Variants in PRKG1 observed in about 807,000 individuals in gnomAD.
PRKG1 encodes the protein protein kinase cGMP-dependent 1.
PRKG1 carries 35 observed loss-of-function variants against 88.1 expected under a neutral mutation model. The ratio of observed to expected loss-of-function variants is 0.40; its 90% CI spans 0.30 to 0.53. The LOEUF (loss-of-function observed/expected upper bound fraction) is 0.53, where lower values mean the gene tolerates loss of function less well. PRKG1 is among the 20% of genes least tolerant of loss of function. The pLI, the probability that PRKG1 is intolerant of heterozygous loss-of-function variation, is 0.59. For missense variants in PRKG1, 540 were observed against 839.8 expected, an observed-to-expected ratio of 0.64 and a Z score of 4.41; for synonymous variants, 303 against 292.5, an observed-to-expected ratio of 1.04 and a Z score of -0.37.
At chr10:52,091,206 T>G (rs777723240) in intron 7 of PRKG1, among the ~76,000 whole-genome samples, 8 of 152,226 alleles carry the variant, frequency 5.3e-5, no homozygotes, top group Non-Finnish European at 2.9e-5. Context: ...AGTTGTGAAA[T>G]TGAGGCCCCC....
intron 2 of PRKG1, among the ~76,000 whole-genome samples, chr10:51,362,235 A>C (rs1375861215): frequency 2.0e-5 from 3 of 151,878 alleles, no homozygotes; most frequent in Admixed American, 6.6e-5. Flanking sequence ...CCTGGGCTCA[A>C]GGGATCCTCC....
At chr10:51,444,928 A>G (rs924347775) in intron 2 of PRKG1, among the ~76,000 whole-genome samples, 4 of 151,844 alleles carry the variant, frequency 2.6e-5, no homozygotes, top group African/African-American at 9.7e-5. Context: ...GGACTGGGTT[A>G]AAAAAATAGT....
intron 3 of PRKG1, among the ~76,000 whole-genome samples, chr10:51,587,868 C>A (rs1838212005): frequency 6.6e-6 from 1 of 152,148 alleles, no homozygotes; most frequent in Non-Finnish European, 1.5e-5. Flanking sequence ...ATGTAAGAGA[C>A]AATGGACATA....
intron 3 of PRKG1, among the ~76,000 whole-genome samples, chr10:51,678,936 A>G (rs942580157): frequency 6.6e-6 from 1 of 152,206 alleles, no homozygotes; most frequent in Non-Finnish European, 1.5e-5. Context: ...TGCATTATTA[A>G]TCTGAGTGGT....
intron 2 of PRKG1, among the ~76,000 whole-genome samples, chr10:51,346,351 T>G (rs1842113986): frequency 6.6e-6 from 1 of 152,230 alleles, no homozygotes; most frequent in South Asian, 2.1e-4. Flanking sequence ...CGTAAGCATG[T>G]CTTTTAGGAT....
rs112839198 is a variant in PRKG1 at position 52,174,823 on chromosome 10, ATGATTT to A, written c.1076+12862_1076+12867del. On this transcript the variant is annotated intron_variant, in intron 9 of 17. Transcript: ENST00000373980. ...CAAAGGCAAGACATATCTGCTTTAT[ATGATTT>A]TATTTTTATCTACATTGTTATATCA... Among the ~76,000 whole-genome samples the A allele has an allele frequency of 3.6e-3, 542 of 152,114 alleles. 6 individuals carry two copies. The highest frequency in any genetic ancestry group is 0.012 in the African/African-American group (482 of 41,552).
intron 8 of PRKG1, among the ~76,000 whole-genome samples, chr10:52,158,651 A>C (rs1838190368): frequency 6.6e-6 from 1 of 151,632 alleles, no homozygotes; most frequent in African/African-American, 2.4e-5. Context: ...GGTTATGTAT[A>C]ATGGTTGACT....
intron 2 of PRKG1, among the ~76,000 whole-genome samples, chr10:51,200,490 A>G (rs971450308): frequency 3.9e-5 from 6 of 152,186 alleles, no homozygotes; most frequent in Non-Finnish European, 8.8e-5. Context: ...TAGGGGCTTG[A>G]TGCATTGTAA....
chr10:52,081,720 G>C, intron 7 of PRKG1: 1 of 456,238 alleles, frequency 2.2e-6, no homozygotes, highest in East Asian at 7.0e-5. Flanking sequence ...ATGGAGCAGG[G>C]TAAGGGTGAA....
chr10:51,839,116 G>C (rs1365971047), intron 4 of PRKG1, among the ~76,000 whole-genome samples: 2 of 152,058 alleles, frequency 1.3e-5, no homozygotes, highest in East Asian at 1.9e-4. Context: ...TGCCCCCTTA[G>C]ACCATTACCA....
intron 1 of PRKG1, among the ~76,000 whole-genome samples, chr10:51,099,622 TA>T (rs754784908): frequency 7.9e-5 from 12 of 152,076 alleles, no homozygotes; most frequent in Admixed American, 2.0e-4. Context: ...TATATTGAGG[TA>T]TTTTTTTTAA....
At chr10:51,531,041 A>G (rs931457028) in intron 3 of PRKG1, among the ~76,000 whole-genome samples, 5 of 152,210 alleles carry the variant, frequency 3.3e-5, no homozygotes, top group Non-Finnish European at 4.4e-5. Context: ...AAGAAATCAT[A>G]AATACAAAGA....
intron 7 of PRKG1, among the ~76,000 whole-genome samples, chr10:52,068,394 C>A (rs1233539469): frequency 6.6e-6 from 1 of 152,004 alleles, no homozygotes; most frequent in African/African-American, 2.4e-5. Flanking sequence ...CCTTTCTTTC[C>A]CCTAACTTTT....
In PRKG1 at chr10:52,275,772, T is replaced by C. The variant is rs141072977; in HGVS notation, c.1403+3291T>C. Among the ~76,000 whole-genome samples, 250 of 152,268 alleles carry C rather than the reference T, an allele frequency of 1.6e-3. 4 individuals are homozygous for C. Among genetic ancestry groups the C allele is most frequent in the East Asian group, 9.6e-4 (5 of 5,182 alleles). On this transcript the variant is annotated intron_variant, in intron 12 of 17. Transcript: ENST00000373980. ...TTGAATTTGGATTGCTTTGACAGTA[T>C]AGTCATTTTCACAATATTGATTCTA...
intron 2 of PRKG1, among the ~76,000 whole-genome samples, chr10:51,303,172 A>G (rs1840938231): frequency 6.6e-6 from 1 of 152,162 alleles, no homozygotes; most frequent in South Asian, 2.1e-4. Flanking sequence ...GATATTAACA[A>G]AATACCATTC....
intron 9 of PRKG1, among the ~76,000 whole-genome samples, chr10:52,181,419 C>CTTTTT (rs761799361): frequency 4.1e-3 from 220 of 53,868 alleles, no homozygotes; most frequent in Non-Finnish European, 4.7e-3. Context: ...CACAGCTCTT[C>CTTTTT]TTTTTTTTTT....
chr10:51,224,940 T>C (rs531450406), intron 2 of PRKG1, among the ~76,000 whole-genome samples: 26 of 152,270 alleles, frequency 1.7e-4, no homozygotes, highest in Admixed American at 1.4e-3. Flanking sequence ...CTGCTTCCCA[T>C]CGCCTACCCC....
intron 4 of PRKG1, among the ~76,000 whole-genome samples, chr10:51,812,943 T>A (rs1464163134): frequency 6.6e-6 from 1 of 152,192 alleles, no homozygotes. Flanking sequence ...GGCCAGCCAC[T>A]GTGTTCTCCA....
rs533785573 is a variant in PRKG1 at position 51,205,312 on chromosome 10, C to A, written c.478+51982C>A. Among the ~76,000 whole-genome samples the A allele has an allele frequency of 1.3e-4, 20 of 149,390 alleles. No individual in the cohort carries two copies. In the South Asian group the frequency reaches 3.8e-3, roughly 29 times the overall value. On this transcript the variant is annotated intron_variant, in intron 2 of 17. Transcript: ENST00000373980. ...TGCCACCATGCCCAGCTAATTTTTC[C>A]GTTTTTGTGAGATGGGGTTTCACCA...
Sources: allele counts gnomAD v4.1 joint callset (sites outside exome capture counted in the v4.1 genomes callset), GRCh38; gene constraint gnomAD v4.1.1; transcripts MANE v1.5; gene names NCBI Gene and HGNC (gene_info 2026-07-23, HGNC 2026-07-21).